The following P4HA3 variants were observed in gnomAD, a reference collection of about 807,000 sequenced individuals.
The protein encoded by P4HA3 is prolyl 4-hydroxylase subunit alpha-3.
A neutral mutation model predicts 66.7 loss-of-function variants in P4HA3; 60 were observed. The observed-to-expected ratio is 0.90, with a 90% CI of 0.73 to 1.12. The LOEUF (loss-of-function observed/expected upper bound fraction) is 1.12, where lower values mean the gene tolerates loss of function less well. Among genes scored for constraint, P4HA3 ranks in the 50% most tolerant of loss-of-function variants. The pLI, the probability that P4HA3 is intolerant of heterozygous loss-of-function variation, is 0.00. For missense variants in P4HA3, 683 were observed against 685.8 expected, an observed-to-expected ratio of 1.00 and a Z score of 0.05; for synonymous variants, 263 against 274.6, an observed-to-expected ratio of 0.96 and a Z score of 0.42.
intron 15 of P4HA3, among the ~76,000 whole-genome samples, chr11:74,252,196 T>TACTC (rs1339549782): frequency 6.8e-6 from 1 of 147,358 alleles, no homozygotes; most frequent in East Asian, 2.0e-4. Flanking sequence ...GTCTCCCGAG[T>TACTC]AGCTGGGATC....
At chr11:74,295,939 C>T (rs1861198852) in intron 4 of P4HA3, among the ~76,000 whole-genome samples, 1 of 152,194 alleles carries the variant, frequency 6.6e-6, no homozygotes, top group South Asian at 2.1e-4. Context: ...TACAATTTCA[C>T]ATATTTCTAA....
At chr11:74,294,554 GT>G (rs1008296894) in intron 4 of P4HA3, among the ~76,000 whole-genome samples, 1 of 152,158 alleles carries the variant, frequency 6.6e-6, no homozygotes. Context: ...TTTCTGCTCT[GT>G]TTTTTCCCCA....
At chr11:74,264,072 G>A (rs1273724059), downstream of P4HA3, among the ~76,000 whole-genome samples, 1 of 152,162 alleles carries the variant, frequency 6.6e-6, no homozygotes, top group Non-Finnish European at 1.5e-5. Flanking sequence ...GGAGACTAGT[G>A]CAAATACAGA....
rs1014625887 is a variant in P4HA3, at chr11:74,311,416, T to G, written c.196A>C (p.Thr66Pro). The G allele has an allele frequency of 6.6e-7, 1 of 1,524,540 alleles. No individual in the cohort carries two copies. The highest frequency in any genetic ancestry group is 2.0e-5 in the Admixed American group (1 of 49,302). The allele number at this position is 1,524,540 out of a possible 1,614,324, so 94.4% of individuals were successfully genotyped here. A position where few individuals can be genotyped will look rare whatever the true frequency, so the allele number is the denominator to read the frequency against. ...RGEEARLRDL[T>P]RFYDKVLSLH... ...TCCCACTCGTCGTGCCCTCACCTAG[T>G]CAGGTCCCGCAGCCGCGCCTCCTCC... Residue 66 changes from threonine (T) to proline (P), a missense_variant, in exon 1 of 13, where the codon ACT (threonine) becomes CCT (proline). Coordinates refer to ENST00000331597, the MANE Select transcript of P4HA3 (RefSeq NM_182904.5).
At chr11:74,277,269 GGAAA>G (rs1416397092) in intron 8 of P4HA3, 125 bp from the exon 9 acceptor site, 1 of 1,211,720 alleles carries the variant, frequency 8.3e-7, no homozygotes, top group Non-Finnish European at 1.2e-6. Flanking sequence ...GAAGGAAGGA[GGAAA>G]GAGAGGGAGG....
chr11:74,286,165 A>G, intron 6 of P4HA3, 63 bp downstream of exon 6: 1 of 1,565,512 alleles, frequency 6.4e-7, no homozygotes, highest in East Asian at 2.2e-5. Context: ...ATGTTATCCC[A>G]ATTCTAGCTT....
At chr11:74,308,886 A>G (rs1861648018) in intron 1 of P4HA3, among the ~76,000 whole-genome samples, 1 of 152,252 alleles carries the variant, frequency 6.6e-6, no homozygotes, top group Non-Finnish European at 1.5e-5. Flanking sequence ...CTATGGTGGT[A>G]GGTACTATTT....
At chr11:74,251,947 C>T in intron 15 of P4HA3, 1 of 712,590 alleles carries the variant, frequency 1.4e-6, no homozygotes, top group Non-Finnish European at 2.6e-6. Context: ...TAAATTGTGC[C>T]TAGTCTCACT....
chr11:74,303,693 T>C (rs1861487843), intron 2 of P4HA3, among the ~76,000 whole-genome samples: 1 of 150,826 alleles, frequency 6.6e-6, no homozygotes, highest in Non-Finnish European at 1.5e-5. Context: ...GCAATTCTCC[T>C]GCCTCAGCTC....
At chr11:74,269,327 T>C (rs1334563661) in intron 11 of P4HA3, among the ~76,000 whole-genome samples, 3 of 152,146 alleles carry the variant, frequency 2.0e-5, no homozygotes, top group Non-Finnish European at 2.9e-5. Flanking sequence ...GAACTAATGA[T>C]GGAAGGAACT....
chr11:74,270,922 G>T (rs1463263731), intron 10 of P4HA3, among the ~76,000 whole-genome samples: 3 of 152,240 alleles, frequency 2.0e-5, no homozygotes, highest in Non-Finnish European at 4.4e-5. Flanking sequence ...TCATAGGAAA[G>T]AGTCTTGGCA....
chr11:74,259,289 G>A, intron 15 of P4HA3, among the ~76,000 whole-genome samples: 1 of 152,194 alleles, frequency 6.6e-6, no homozygotes, highest in South Asian at 2.1e-4. Context: ...TGACGCAGGA[G>A]AATTGCTTGA....
downstream of P4HA3, among the ~76,000 whole-genome samples, chr11:74,265,006 A>C (rs1040464555): frequency 4.6e-5 from 7 of 152,214 alleles, no homozygotes; most frequent in African/African-American, 1.7e-4. Flanking sequence ...ACTCTCAACA[A>C]GTGACTTAAC....
chr11:74,274,163 C>T (rs1203959297), intron 9 of P4HA3, among the ~76,000 whole-genome samples: 1 of 152,162 alleles, frequency 6.6e-6, no homozygotes, highest in Non-Finnish European at 1.5e-5. Context: ...GAGTCAATCC[C>T]TGCTCTCACC....
At chr11:74,287,515 AAAG>A (rs1199688071) in intron 5 of P4HA3, among the ~76,000 whole-genome samples, 3 of 152,212 alleles carry the variant, frequency 2.0e-5, no homozygotes, top group Non-Finnish European at 4.4e-5. Flanking sequence ...GCAAATAAAT[AAAG>A]AAGGGTTGGA....
intron 4 of P4HA3, among the ~76,000 whole-genome samples, chr11:74,293,439 C>A (rs560562438): frequency 1.3e-5 from 2 of 152,292 alleles, no homozygotes; most frequent in Non-Finnish European, 2.9e-5. Context: ...GCATTTAGCC[C>A]ATTTACATTT....
chr11:74,279,439 A>G lies in P4HA3; in HGVS notation c.1124T>C (p.Val375Ala). 1 of 1,613,940 alleles carries G rather than the reference A, an allele frequency of 6.2e-7. No individual in the cohort carries two copies. Among genetic ancestry groups the G allele is most frequent in the Non-Finnish European group, 8.5e-7 (1 of 1,179,862 alleles). ...TAACTGCTTCTCCCCTGATGCCACCACTGACCTCTGTAGCTGGTGGGAAGA... is the reference window on the plus strand; with the variant it reads ...TAACTGCTTCTCCCCTGATGCCACCGCTGACCTCTGTAGCTGGTGGGAAGA... ...ELAEPWLQRS[V>A]VASGEKQLQV... The change falls in exon 8 of 13, where the codon GTG becomes GCG. Residue 375 changes from valine to alanine, a missense_variant. Val to Ala is a moderately conservative substitution (Grantham distance 64). Transcript: ENST00000331597.
intron 7 of P4HA3, among the ~76,000 whole-genome samples, chr11:74,281,053 A>G (rs1860574873): frequency 6.6e-6 from 1 of 152,190 alleles, no homozygotes; most frequent in Admixed American, 6.5e-5. Flanking sequence ...CCCATCAAAA[A>G]GTGGGCGAAG....
At chr11:74,256,981 C>CA (rs145366958) in intron 15 of P4HA3, among the ~76,000 whole-genome samples, 3,657 of 152,164 alleles carry the variant, frequency 0.024, 137 homozygotes, top group African/African-American at 0.083. Flanking sequence ...ACTTTGTAGA[C>CA]AGAGGTAAAT....
Sources: gnomAD v4.1 joint callset for allele counts (sites outside exome capture counted in the v4.1 genomes callset) on GRCh38, gnomAD v4.1.1 for gene constraint, MANE v1.5 for transcripts, NCBI Gene and HGNC (gene_info 2026-07-23, HGNC 2026-07-21) for gene names.